TNKS: variants seen among roughly 807,000 people sequenced by gnomAD.
TNKS encodes poly [ADP-ribose] polymerase tankyrase-1.
Under a neutral mutation model 135.8 loss-of-function variants are expected in TNKS, and 72 were observed. The ratio of observed to expected loss-of-function variants is 0.53; its 90% CI spans 0.44 to 0.64. TNKS has a LOEUF of 0.64. Ranked by LOEUF, TNKS falls within the 30% of genes least tolerant of loss-of-function variation. The pLI is 0.00. For synonymous variants in TNKS, 849 were observed against 649.3 expected, an observed-to-expected ratio of 1.31 and a Z score of -4.68; for missense variants, 1,769 against 1,674.0, an observed-to-expected ratio of 1.06 and a Z score of -0.99.
At chr8:9,656,166 A>G (rs1801355833) in intron 3 of TNKS, among the ~76,000 whole-genome samples, 1 of 152,238 alleles carries the variant, frequency 6.6e-6, no homozygotes. Flanking sequence ...AAGTGAATGA[A>G]ATGAAGCGAG....
At chr8:9,614,202 G>A (rs1427115951) in intron 2 of TNKS, among the ~76,000 whole-genome samples, 1 of 152,164 alleles carries the variant, frequency 6.6e-6, no homozygotes, top group Non-Finnish European at 1.5e-5. Flanking sequence ...TGATGAAAGA[G>A]TAACTACACT....
chr8:9,735,189 A>G, intron 16 of TNKS, 105 bp downstream of exon 16: 1 of 1,216,154 alleles, frequency 8.2e-7, no homozygotes, highest in Non-Finnish European at 1.1e-6. Flanking sequence ...ACTACTTAGT[A>G]AAATGCTCTT....
intron 2 of TNKS, among the ~76,000 whole-genome samples, chr8:9,593,798 T>C (rs748110943): frequency 3.9e-5 from 6 of 152,098 alleles, no homozygotes; most frequent in Admixed American, 1.3e-4. Context: ...GGCACGGGAT[T>C]GGGGATGGGG....
chr8:9,598,761 GTGTGTA>G (rs1193559116), intron 2 of TNKS, among the ~76,000 whole-genome samples: 2 of 67,250 alleles, frequency 3.0e-5, no homozygotes, highest in African/African-American at 1.1e-4. Flanking sequence ...GTATATGTGT[GTGTGTA>G]TATATATATA....
At chr8:9,774,851 A>G (rs936093466) in intron 26 of TNKS, among the ~76,000 whole-genome samples, 7 of 152,200 alleles carry the variant, frequency 4.6e-5, no homozygotes, top group African/African-American at 1.4e-4. Flanking sequence ...GCTTTTCCGC[A>G]AGTAAAATGT....
rs114911358 is a variant in TNKS at position 9,608,572 on chromosome 8, C to T, written c.899-7010C>T. 2.1e-3 allele frequency among the ~76,000 whole-genome samples: 322 copies of T among 152,220 alleles called. 1 individual carries two copies. Among genetic ancestry groups the T allele is most frequent in the African/African-American group, 7.1e-3 (295 of 41,530 alleles). ...CTAGCAGCTATTGCCAAATAAGCCTCAGGGGTTTTGTCCTGCACAGGTACA... is the reference window on the plus strand; with the variant it reads ...CTAGCAGCTATTGCCAAATAAGCCTTAGGGGTTTTGTCCTGCACAGGTACA... On this transcript the variant is annotated intron_variant, in intron 2 of 26. Transcript: ENST00000310430.
intron 3 of TNKS, among the ~76,000 whole-genome samples, chr8:9,643,947 A>G (rs545600967): frequency 1.3e-5 from 2 of 152,334 alleles, no homozygotes; most frequent in African/African-American, 2.4e-5. Context: ...CCTTAAACAG[A>G]GGAAGGGAAT....
intron 2 of TNKS, among the ~76,000 whole-genome samples, chr8:9,611,180 A>G (rs911038209): frequency 6.6e-6 from 1 of 152,200 alleles, no homozygotes; most frequent in Admixed American, 6.5e-5. Context: ...AAGGAGATGA[A>G]TAGAGCTGAG....
intron 3 of TNKS, among the ~76,000 whole-genome samples, chr8:9,665,728 C>T (rs866138101): frequency 3.3e-5 from 5 of 152,192 alleles, no homozygotes; most frequent in African/African-American, 1.2e-4. Flanking sequence ...TCTCTGGATA[C>T]TGGAGCATGG....
intron 11 of TNKS, among the ~76,000 whole-genome samples, chr8:9,717,072 A>ACATAT (rs376229840): frequency 1.3e-5 from 1 of 79,460 alleles, no homozygotes; most frequent in Admixed American, 1.5e-4. Context: ...GTTGTATTAT[A>ACATAT]ATATATATAT....
intron 3 of TNKS, among the ~76,000 whole-genome samples, chr8:9,618,368 A>T (rs1799731148): frequency 6.6e-6 from 1 of 152,206 alleles, no homozygotes; most frequent in African/African-American, 2.4e-5. Context: ...GGACCCTAGC[A>T]CATGGCCATT....
chr8:9,725,622 T>C (rs898875359), intron 12 of TNKS, among the ~76,000 whole-genome samples: 7 of 152,174 alleles, frequency 4.6e-5, no homozygotes, highest in Non-Finnish European at 8.8e-5. Context: ...GCACTCACTT[T>C]ATAAGGGCAA....
At position 9,556,558 on chromosome 8, in the gene TNKS, G is replaced by A. The variant is rs769615974; in HGVS notation, c.619G>A (p.Val207Ile). The A allele has an allele frequency of 2.5e-6, 4 of 1,614,146 alleles. No homozygotes were observed. In the South Asian group the frequency reaches 3.3e-5, roughly 13 times the overall value. Reference sequence around the variant, plus strand: ...AAAGAGGCTGGTGGACGCGGCAAACGTAAATGCAAAGGACATGGCCGGCCG... The same window carrying A: ...AAAGAGGCTGGTGGACGCGGCAAACATAAATGCAAAGGACATGGCCGGCCG... ...RVKRLVDAANVNAKDMAGRKS... is the reference protein window; with the variant it reads ...RVKRLVDAANINAKDMAGRKS... Residue 207 changes from valine (V) to isoleucine (I), a missense_variant, in exon 1 of 27, where the codon GTA becomes ATA. Val to Ile is a conservative substitution (Grantham distance 29). Around this residue, in one of 5 missense-constraint regions of TNKS, gnomAD observed 450 missense variants for 304.9 expected, o/e 1.48. Coordinates refer to ENST00000310430, the MANE Select transcript of TNKS (RefSeq NM_003747.3).
rs1018088751 is a variant in TNKS at position 9,731,365 on chromosome 8, C to G, written c.2147+330C>G. Among the ~76,000 whole-genome samples the G allele has an allele frequency of 2.8e-5, 4 of 143,784 alleles. No individual in the cohort carries two copies. The Admixed American group carries it at 3.1e-4, about 11-fold the overall frequency. The allele number at this position is 143,784 out of a possible 152,430, so 94.3% of individuals were successfully genotyped here. A position where few individuals can be genotyped will look rare whatever the true frequency, so the allele number is the denominator to read the frequency against. On this transcript the variant is annotated intron_variant, in intron 14 of 26. Transcript: ENST00000310430. ...ATCCCAGCTACTTGGGAGGCTGAGG[C>G]AGGAGAATCACTTGAACCCGGGAGG...
In TNKS at chr8:9,731,149, TTTAAAACATAAA is replaced by T. The variant is rs1294586076; in HGVS notation, c.2147+125_2147+136del. 4.7e-6 allele frequency: 6 copies of T among 1,270,042 alleles called. No homozygotes were observed. The East Asian group carries it at 1.1e-4, about 24-fold the overall frequency. The allele number at this position is 1,270,042 out of a possible 1,614,324, so 78.7% of individuals were successfully genotyped here. On this transcript the variant is annotated intron_variant, in intron 14 of 26. Coordinates refer to ENST00000310430, the MANE Select transcript of TNKS (RefSeq NM_003747.3). ...TTAAAAAAGTAATCGTTATTTTTTG[TTTAAAACATAAA>T]TTAAAACATAGAAATGTGCCAGGCA...
intron 2 of TNKS, among the ~76,000 whole-genome samples, chr8:9,603,092 G>C (rs190632803): frequency 2.7e-5 from 4 of 150,482 alleles, no homozygotes; most frequent in Admixed American, 2.0e-4. Flanking sequence ...TCGCTTTATC[G>C]CCCAGGCTGG....
chr8:9,592,570 C>G (rs183405058), intron 2 of TNKS, among the ~76,000 whole-genome samples: 117 of 152,274 alleles, frequency 7.7e-4, no homozygotes, highest in African/African-American at 2.6e-3. Flanking sequence ...GATTCTTAAA[C>G]TGAATCAGGT....
intron 1 of TNKS, among the ~76,000 whole-genome samples, chr8:9,563,477 A>G (rs1337597751): frequency 6.6e-6 from 1 of 152,060 alleles, no homozygotes; most frequent in Non-Finnish European, 1.5e-5. Context: ...TAAATGAATG[A>G]GTGTGATTGT....
At chr8:9,587,690 C>G (rs780996106) in intron 2 of TNKS, among the ~76,000 whole-genome samples, 1 of 152,190 alleles carries the variant, frequency 6.6e-6, no homozygotes, top group Admixed American at 6.5e-5. Flanking sequence ...GCGTGAGCCA[C>G]TGCGCCTGGC....
Sources: allele counts gnomAD v4.1 joint callset (sites outside exome capture counted in the v4.1 genomes callset), GRCh38; gene constraint gnomAD v4.1.1; regional missense constraint gnomAD v4.1.1; transcripts MANE v1.5; gene names NCBI Gene and HGNC (gene_info 2026-07-23, HGNC 2026-07-21).